Variants in LRP1B observed in about 807,000 individuals in gnomAD.
The protein encoded by LRP1B is low-density lipoprotein receptor-related protein 1B.
In LRP1B, 217 loss-of-function variants were observed where a neutral mutation model predicts 556.6. The ratio of observed to expected loss-of-function variants is 0.39; its 90% CI spans 0.35 to 0.44. The LOEUF (loss-of-function observed/expected upper bound fraction) is 0.44, where lower values mean the gene tolerates loss of function less well. Among genes scored for constraint, LRP1B ranks in the 20% least tolerant of loss-of-function variants. The pLI is 1.00. For synonymous variants in LRP1B, 2,047 were observed against 1,865.8 expected (o/e 1.10, Z -2.50); for missense variants, 5,053 against 5,620.8 (o/e 0.90, Z 3.23).
At chr2:140,669,043 C>A (rs188463454) in intron 41 of LRP1B, among the ~76,000 whole-genome samples, 61 of 152,204 alleles carry the variant, frequency 4.0e-4, no homozygotes, top group Non-Finnish European at 7.1e-4. Context: ...CACAGGGTTT[C>A]TAAGAGTCTG....
intron 3 of LRP1B, among the ~76,000 whole-genome samples, chr2:141,477,223 A>G (rs1219466754): frequency 6.6e-6 from 1 of 151,972 alleles, no homozygotes; most frequent in Non-Finnish European, 1.5e-5. Flanking sequence ...ATAATTACTT[A>G]AATTATAGTC....
intron 43 of LRP1B, among the ~76,000 whole-genome samples, chr2:140,542,932 C>T (rs1041263549): frequency 6.6e-6 from 1 of 152,054 alleles, no homozygotes; most frequent in African/African-American, 2.4e-5. Context: ...GAGGAGAGTC[C>T]CCAAGTTCAC....
chr2:140,620,064 A>T (rs1683397654), intron 41 of LRP1B, among the ~76,000 whole-genome samples: 2 of 152,062 alleles, frequency 1.3e-5, no homozygotes, highest in Admixed American at 1.3e-4. Flanking sequence ...CTTCCACTGG[A>T]TTCTTAAATT....
intron 43 of LRP1B, among the ~76,000 whole-genome samples, chr2:140,547,609 C>A (rs934647804): frequency 4.6e-5 from 7 of 151,854 alleles, no homozygotes; most frequent in African/African-American, 1.7e-4. Context: ...AAACCAGCCC[C>A]TGGTTTCATT....
At chr2:140,997,788 G>C (rs1697294744) in intron 15 of LRP1B, among the ~76,000 whole-genome samples, 1 of 151,950 alleles carries the variant, frequency 6.6e-6, no homozygotes, top group Non-Finnish European at 1.5e-5. Context: ...AAAACATGAA[G>C]TTGTGGTTTG....
intron 1 of LRP1B, among the ~76,000 whole-genome samples, chr2:141,888,083 C>T (rs1699179723): frequency 6.6e-6 from 1 of 152,100 alleles, no homozygotes; most frequent in African/African-American, 2.4e-5. Flanking sequence ...TTCAAAGTGT[C>T]CTCCTTCCAT....
intron 2 of LRP1B, among the ~76,000 whole-genome samples, chr2:141,573,302 A>C (rs1193751492): frequency 6.6e-6 from 1 of 152,116 alleles, no homozygotes. Context: ...ACTCAAAACC[A>C]CACAGTTACA....
intron 41 of LRP1B, among the ~76,000 whole-genome samples, chr2:140,655,361 T>C (rs1053499183): frequency 3.9e-5 from 6 of 152,176 alleles, no homozygotes; most frequent in Non-Finnish European, 8.8e-5. Context: ...TCTAATAATT[T>C]TCTAGGTTCT....
In LRP1B at chr2:140,335,733, G is replaced by GAGT. The variant is rs780498493; in HGVS notation, c.11995_11997dup (p.Thr3999dup). 6.2e-7 allele frequency: 1 copy of GAGT among 1,611,816 alleles called. No homozygotes were observed. The highest frequency in any genetic ancestry group is 1.1e-5 in the South Asian group (1 of 91,044). Reference sequence around the variant, plus strand: ...ATAGAGTACCTCAGACTGGTCCAGTGAGTAGTGTAGTAACTGAACCAATGC... The same window carrying GAGT: ...ATAGAGTACCTCAGACTGGTCCAGTGAGTAGTAGTGTAGTAACTGAACCAATGC... On this transcript the variant is annotated inframe_insertion, in exon 78 of 91. Transcript: ENST00000389484.
intron 41 of LRP1B, among the ~76,000 whole-genome samples, chr2:140,658,021 A>G (rs948617336): frequency 5.9e-5 from 9 of 152,108 alleles, no homozygotes; most frequent in Non-Finnish European, 1.0e-4. Flanking sequence ...CTTCCATAAT[A>G]AAACATTTTA....
intron 3 of LRP1B, among the ~76,000 whole-genome samples, chr2:141,401,264 A>C (rs1470477245): frequency 6.6e-6 from 1 of 152,194 alleles, no homozygotes; most frequent in Non-Finnish European, 1.5e-5. Context: ...GCTATTATGT[A>C]ACACACACAA....
intron 66 of LRP1B, among the ~76,000 whole-genome samples, chr2:140,409,669 T>C (rs1211026659): frequency 6.6e-6 from 1 of 151,892 alleles, no homozygotes; most frequent in African/African-American, 2.4e-5. Flanking sequence ...CTATGCCAGA[T>C]TCATGTAATC....
intron 32 of LRP1B, among the ~76,000 whole-genome samples, chr2:140,803,269 T>TGC: frequency 7.7e-6 from 1 of 130,526 alleles, no homozygotes; most frequent in Non-Finnish European, 1.6e-5. Context: ...AGTTTTTTTT[T>TGC]TTTTTTTTTT....
chr2:140,806,192 T>C (rs560726962), intron 32 of LRP1B, among the ~76,000 whole-genome samples: 2 of 152,226 alleles, frequency 1.3e-5, no homozygotes, highest in East Asian at 3.9e-4. Context: ...ACTTCCAGCC[T>C]CCAGAACTGT....
chr2:140,346,425 C>T (rs1388527740), intron 77 of LRP1B, among the ~76,000 whole-genome samples: 2 of 151,720 alleles, frequency 1.3e-5, no homozygotes, highest in Admixed American at 6.6e-5. Context: ...TATCACTTAC[C>T]TGAGTCAATA....
chr2:140,336,387 CT>C (rs35091865), intron 77 of LRP1B, among the ~76,000 whole-genome samples: 41,962 of 147,274 alleles, frequency 0.28, 5,938 homozygotes, highest in Admixed American at 0.4. Context: ...TAGTTTAGTA[CT>C]TTTTTTTTTT....
intron 77 of LRP1B, among the ~76,000 whole-genome samples, chr2:140,342,614 T>A (rs1681451572): frequency 6.6e-6 from 1 of 151,594 alleles, no homozygotes. Context: ...AATATGTTAA[T>A]GGTGCACAGA....
intron 2 of LRP1B, among the ~76,000 whole-genome samples, chr2:141,620,518 C>A (rs1688464276): frequency 6.6e-6 from 1 of 152,144 alleles, no homozygotes; most frequent in Non-Finnish European, 1.5e-5. Flanking sequence ...TCTAGAATTT[C>A]ATTACAGACA....
intron 50 of LRP1B, among the ~76,000 whole-genome samples, chr2:140,515,093 A>C (rs1689835610): frequency 6.6e-6 from 1 of 152,030 alleles, no homozygotes; most frequent in Admixed American, 6.6e-5. Flanking sequence ...GCATAGATAT[A>C]AAATATATAT....
Sources: allele counts gnomAD v4.1 joint callset (sites outside exome capture counted in the v4.1 genomes callset), GRCh38; gene constraint gnomAD v4.1.1; transcripts MANE v1.5; gene names NCBI Gene and HGNC (gene_info 2026-07-23, HGNC 2026-07-21).